ZNF536: variants seen among roughly 807,000 people sequenced by gnomAD.
The protein encoded by ZNF536 is zinc finger protein 536.
Under a neutral mutation model 84.5 loss-of-function variants are expected in ZNF536, and 13 were observed. The ratio of observed to expected loss-of-function variants is 0.15; its 90% CI spans 0.10 to 0.24. The LOEUF is 0.24. Ranked by LOEUF, ZNF536 falls within the 10% of genes least tolerant of loss-of-function variation. The pLI, the probability that ZNF536 is intolerant of heterozygous loss-of-function variation, is 1.00. For synonymous variants in ZNF536, 811 were observed against 742.5 expected (o/e 1.09, Z -1.50); for missense variants, 1,536 against 1,747.5 (o/e 0.88, Z 2.16).
At chr19:30,300,081 C>T (rs901644603) in intron 2 of ZNF536, among the ~76,000 whole-genome samples, 4 of 152,062 alleles carry the variant, frequency 2.6e-5, no homozygotes, top group Non-Finnish European at 5.9e-5. Flanking sequence ...TGTGATTAAG[C>T]GTTATTAATA....
At chr19:30,476,543 ATTGT>A (rs1348578906) in intron 2 of ZNF536, among the ~76,000 whole-genome samples, 1 of 152,170 alleles carries the variant, frequency 6.6e-6, no homozygotes, top group Non-Finnish European at 1.5e-5. Context: ...TTCAACATTG[ATTGT>A]TCGTGAAGGA....
chr19:30,650,857 G>A (rs1456988509), intron 1 of ZNF536, among the ~76,000 whole-genome samples: 3 of 152,306 alleles, frequency 2.0e-5, no homozygotes, highest in Non-Finnish European at 4.4e-5. Flanking sequence ...CGTCAGTGAC[G>A]CTGGGACGTT....
intron 1 of ZNF536, among the ~76,000 whole-genome samples, chr19:30,381,558 G>T (rs1292722308): frequency 3.3e-5 from 5 of 152,214 alleles, no homozygotes; most frequent in Non-Finnish European, 7.3e-5. Flanking sequence ...GAAGGAACAG[G>T]CCTGGCACGC....
intron 1 of ZNF536, among the ~76,000 whole-genome samples, chr19:30,393,162 A>G (rs1037006945): frequency 6.6e-6 from 1 of 152,088 alleles, no homozygotes; most frequent in African/African-American, 2.4e-5. Context: ...CATTCACTCA[A>G]CAACCACTTA....
intron 1 of ZNF536, among the ~76,000 whole-genome samples, chr19:30,239,217 A>G (rs1183414847): frequency 6.6e-6 from 1 of 152,198 alleles, no homozygotes; most frequent in East Asian, 1.9e-4. Flanking sequence ...GGTCCTGTCA[A>G]TGACCCTCTA....
At chr19:30,245,685 G>A (rs1220578163) in intron 1 of ZNF536, among the ~76,000 whole-genome samples, 3 of 152,204 alleles carry the variant, frequency 2.0e-5, no homozygotes, top group Non-Finnish European at 4.4e-5. Flanking sequence ...ATATATTAGC[G>A]TTATTGCCAA....
chr19:30,416,421 T>G (rs577603384), intron 1 of ZNF536, among the ~76,000 whole-genome samples: 3 of 152,110 alleles, frequency 2.0e-5, no homozygotes, highest in African/African-American at 7.2e-5. Flanking sequence ...TATTGGTGCC[T>G]GGCAGATATT....
intron 2 of ZNF536, among the ~76,000 whole-genome samples, chr19:30,311,527 C>A (rs907252612): frequency 6.6e-6 from 1 of 152,144 alleles, no homozygotes; most frequent in Non-Finnish European, 1.5e-5. Context: ...TCATTTACTC[C>A]CCATATGGTC....
At chr19:30,675,694 T>C (rs1298269625) in intron 1 of ZNF536, among the ~76,000 whole-genome samples, 1 of 152,124 alleles carries the variant, frequency 6.6e-6, no homozygotes, top group Non-Finnish European at 1.5e-5. Flanking sequence ...GATTTCTCTG[T>C]CTCCTGGCGC....
At chr19:30,543,133 A>G (rs1243582303) in intron 3 of ZNF536, among the ~76,000 whole-genome samples, 1 of 152,192 alleles carries the variant, frequency 6.6e-6, no homozygotes, top group Non-Finnish European at 1.5e-5. Flanking sequence ...GGAAAATCAA[A>G]GGTTCTAGTG....
At chr19:30,428,050 T>C (rs187543798) in intron 1 of ZNF536, among the ~76,000 whole-genome samples, 154 of 152,354 alleles carry the variant, frequency 1.0e-3, no homozygotes, top group African/African-American at 3.5e-3. Context: ...TCCAGGTTTC[T>C]AATGGGGGTG....
upstream of ZNF536, among the ~76,000 whole-genome samples, chr19:30,370,771 G>A (rs1044602671): frequency 1.3e-5 from 2 of 152,128 alleles, no homozygotes; most frequent in African/African-American, 4.8e-5. Flanking sequence ...AATCAGGTAC[G>A]GGGGATATTA....
intron 3 of ZNF536, among the ~76,000 whole-genome samples, chr19:30,366,362 C>CTCTATCTATTTATCTA (rs1555731914): frequency 1.4e-5 from 2 of 146,582 alleles, no homozygotes; most frequent in African/African-American, 5.1e-5. Flanking sequence ...CCTATCATAT[C>CTCTATCTATTTATCTA]TCTATCTATC....
chr19:30,379,345 A>G (rs2048934271), intron 1 of ZNF536, among the ~76,000 whole-genome samples: 1 of 151,986 alleles, frequency 6.6e-6, no homozygotes, highest in African/African-American at 2.4e-5. Flanking sequence ...CGGCATGATG[A>G]CAGTGATGTG....
intron 1 of ZNF536, among the ~76,000 whole-genome samples, chr19:30,685,764 C>T (rs747289401): frequency 5.9e-5 from 9 of 152,210 alleles, no homozygotes; most frequent in Non-Finnish European, 8.8e-5. Flanking sequence ...CCGCTGCCGC[C>T]GTCCTCCCCT....
chr19:30,472,471 T>C (rs3786805), intron 2 of ZNF536, among the ~76,000 whole-genome samples: 62,192 of 151,992 alleles, frequency 0.41, 15,351 homozygotes, highest in African/African-American at 0.68. Context: ...TAAACATGTG[T>C]GATCTCAAAA....
At chr19:30,353,226 T>G (rs1236582085) in intron 3 of ZNF536, among the ~76,000 whole-genome samples, 1 of 152,022 alleles carries the variant, frequency 6.6e-6, no homozygotes, top group African/African-American at 2.4e-5. Flanking sequence ...TCGGAAGGGA[T>G]AAGAAAAATT....
chr19:30,623,040 G>GTTT lies in ZNF536; in HGVS notation c.169+73531_169+73533dup, dbSNP rs778168856. 2.2e-3 allele frequency among the ~76,000 whole-genome samples: 215 copies of GTTT among 99,272 alleles called. 7 individuals carry two copies. Among genetic ancestry groups the GTTT allele is most frequent in the African/African-American group, 7.1e-3 (191 of 26,990 alleles). The allele number at this position is 99,272 out of a possible 152,430, so 65.1% of individuals were successfully genotyped here. On this transcript the variant is annotated intron_variant, in intron 1 of 1. Coordinates refer to the ZNF536 transcript ENST00000592773. Reference sequence around the variant, plus strand: ...CTTGTGTTTTTTTTTTTGTTTTTTTGTTTTTTTGTTTTTTTGAGATGGGAT... The same window carrying GTTT: ...CTTGTGTTTTTTTTTTTGTTTTTTTGTTTTTTTTTTGTTTTTTTGAGATGGGAT...
Position 30,445,372 on chromosome 19 carries a change from A to T in ZNF536, c.1810A>T (p.Ser604Cys), listed in dbSNP as rs1376064530. 3 of 1,614,170 alleles carry T rather than the reference A, an allele frequency of 1.9e-6. No individual in the cohort carries two copies. The highest frequency in any genetic ancestry group is 2.5e-6 in the Non-Finnish European group (3 of 1,180,024). ...LPSKLDPLES[S>C]RDFLSHGLNQ... ...AAGTAAGCTCGACCCTTTAGAAAGC[A>T]GTCGGGATTTTTTGTCACACGGGCT... The change falls in exon 2 of 5, where the codon AGT (serine) becomes TGT (cysteine). Residue 604 changes from serine to cysteine, a missense_variant. Physicochemically the swap from Ser to Cys is moderately radical, Grantham distance 112. Coordinates refer to ENST00000355537, the MANE Select transcript of ZNF536 (RefSeq NM_014717.3). This position sits in a 1 kb window ranked among gnomAD's most constrained non-coding sequence, Gnocchi z 4.5.
Sources: allele counts gnomAD v4.1 joint callset (sites outside exome capture counted in the v4.1 genomes callset), GRCh38; gene constraint gnomAD v4.1.1; non-coding constraint Gnocchi (gnomAD v3.1); transcripts MANE v1.5; gene names NCBI Gene and HGNC (gene_info 2026-07-23, HGNC 2026-07-21).